XKR9: variants seen among roughly 807,000 people sequenced by gnomAD.
XKR9 encodes the protein XK related 9.
XKR9 carries 32 observed loss-of-function variants against 32.0 expected under a neutral mutation model. That is an observed-to-expected ratio of 1.00 (90% CI 0.76 to 1.34). The LOEUF (loss-of-function observed/expected upper bound fraction) is 1.34. Among genes scored for constraint, XKR9 ranks in the 40% most tolerant of loss-of-function variants. The probability of loss-of-function intolerance (pLI) is 0.00; values close to 1 mark genes in which losing one functional copy is unlikely to be tolerated. For synonymous variants in XKR9, 168 were observed against 143.4 expected, an observed-to-expected ratio of 1.17 and a Z score of -1.22; for missense variants, 546 against 429.7, an observed-to-expected ratio of 1.27 and a Z score of -2.39.
chr8:70,873,866 T>C, the XKR9 span, among the ~76,000 whole-genome samples: 1 of 152,204 alleles, frequency 6.6e-6, no homozygotes, highest in Non-Finnish European at 1.5e-5. Flanking sequence ...CAGAGAAATC[T>C]TTCATGAAAG....
the XKR9 span, among the ~76,000 whole-genome samples, chr8:70,857,494 G>A: frequency 1.3e-5 from 2 of 152,110 alleles, no homozygotes; most frequent in African/African-American, 2.4e-5. Context: ...ACCAAAAAAA[G>A]TCCAAGACCT....
At chr8:70,865,208 T>C in the XKR9 span, among the ~76,000 whole-genome samples, 2 of 152,128 alleles carry the variant, frequency 1.3e-5, no homozygotes, top group Non-Finnish European at 2.9e-5. Context: ...GAAGAATTTG[T>C]CTTTTAGACT....
At chr8:70,959,326 G>A in the XKR9 span, among the ~76,000 whole-genome samples, 3 of 152,128 alleles carry the variant, frequency 2.0e-5, no homozygotes, top group Non-Finnish European at 2.9e-5. Flanking sequence ...ACCAGTGATA[G>A]TATTCTGCAT....
chr8:70,998,982 A>T, the XKR9 span, among the ~76,000 whole-genome samples: 2 of 152,152 alleles, frequency 1.3e-5, no homozygotes, highest in African/African-American at 4.8e-5. Context: ...AACCAACCGC[A>T]GATGAAAAGT....
At chr8:70,715,420 A>G (rs562588162) in intron 4 of XKR9, among the ~76,000 whole-genome samples, 2 of 152,276 alleles carry the variant, frequency 1.3e-5, no homozygotes, top group East Asian at 3.9e-4. Flanking sequence ...AGGTGAACAG[A>G]TAGGGCTTTG....
the XKR9 span, among the ~76,000 whole-genome samples, chr8:71,015,606 A>C: frequency 1.3e-5 from 2 of 151,946 alleles, no homozygotes; most frequent in African/African-American, 4.8e-5. Flanking sequence ...ATGAAAGCCC[A>C]GCAGACTTAT....
chr8:70,866,819 A>G, the XKR9 span, among the ~76,000 whole-genome samples: 1 of 152,156 alleles, frequency 6.6e-6, no homozygotes, highest in East Asian at 1.9e-4. Context: ...AATACAAATA[A>G]TAGTTATCAT....
At chr8:71,004,998 C>CTTTTTTTTTT in the XKR9 span, among the ~76,000 whole-genome samples, 10 of 48,232 alleles carry the variant, frequency 2.1e-4, no homozygotes, top group Non-Finnish European at 3.4e-4. Flanking sequence ...TTAATCTATG[C>CTTTTTTTTTT]TTTTTTTTTT....
the XKR9 span, among the ~76,000 whole-genome samples, chr8:70,869,479 C>T: frequency 2.0e-5 from 3 of 152,144 alleles, no homozygotes; most frequent in Non-Finnish European, 4.4e-5. Flanking sequence ...GAGACTTATT[C>T]ACTATCAGGA....
the XKR9 span, among the ~76,000 whole-genome samples, chr8:71,033,913 G>A: frequency 8.2e-3 from 1,249 of 152,206 alleles, 13 homozygotes; most frequent in African/African-American, 0.028. Context: ...AGCACAAAAC[G>A]GACAAAGATA....
At chr8:70,804,879 A>C in the XKR9 span, among the ~76,000 whole-genome samples, 1 of 152,194 alleles carries the variant, frequency 6.6e-6, no homozygotes, top group Non-Finnish European at 1.5e-5. Context: ...TTTATATAAA[A>C]GAAAAAGAGC....
the XKR9 span, among the ~76,000 whole-genome samples, chr8:70,889,312 AAATTTACTC>A: frequency 6.6e-6 from 1 of 151,830 alleles, no homozygotes; most frequent in Non-Finnish European, 1.5e-5. Flanking sequence ...AGTGCCCTAC[AAATTTACTC>A]AATTTGTCAG....
the XKR9 span, among the ~76,000 whole-genome samples, chr8:70,998,536 G>A: frequency 2.6e-5 from 4 of 152,210 alleles, no homozygotes; most frequent in Admixed American, 1.3e-4. Context: ...CCTGTGGGTC[G>A]GAGTCAGATG....
chr8:70,782,447 T>A (rs6981149), intron 2 of XKR9, among the ~76,000 whole-genome samples: 50,244 of 151,776 alleles, frequency 0.33, 9,442 homozygotes, highest in Non-Finnish European at 0.43. Context: ...GAAATGTACA[T>A]TACTCTAAAA....
At chr8:70,873,953 C>A in the XKR9 span, among the ~76,000 whole-genome samples, 2 of 152,174 alleles carry the variant, frequency 1.3e-5, no homozygotes, top group Admixed American at 6.5e-5. Context: ...TCTCCAGCAA[C>A]CCCCCTCCTG....
chr8:70,900,184 C>A, the XKR9 span, among the ~76,000 whole-genome samples: 1 of 151,902 alleles, frequency 6.6e-6, no homozygotes, highest in Non-Finnish European at 1.5e-5. Context: ...ACTCCCAAAC[C>A]CTTAATAGAG....
At chr8:70,882,951 A>T in the XKR9 span, among the ~76,000 whole-genome samples, 1 of 149,390 alleles carries the variant, frequency 6.7e-6, no homozygotes, top group African/African-American at 2.5e-5. Context: ...AACCTTCAGC[A>T]GCCATTGATC....
chr8:70,803,000 T>C, the XKR9 span, among the ~76,000 whole-genome samples: 6 of 152,224 alleles, frequency 3.9e-5, no homozygotes, highest in Non-Finnish European at 7.3e-5. Flanking sequence ...TTGGCTTCCC[T>C]AGCGAAGTTG....
chr8:70,954,141 T>G, the XKR9 span, among the ~76,000 whole-genome samples: 4 of 151,780 alleles, frequency 2.6e-5, no homozygotes, highest in Non-Finnish European at 5.9e-5. Context: ...AGGTTGGTGT[T>G]TTTTTTTTCT....
Sources: gnomAD v4.1 joint callset for allele counts (sites outside exome capture counted in the v4.1 genomes callset) on GRCh38, gnomAD v4.1.1 for gene constraint, MANE v1.5 for transcripts, NCBI Gene and HGNC (gene_info 2026-07-23, HGNC 2026-07-21) for gene names.